Variants in COL23A1 observed in about 807,000 individuals in gnomAD.
COL23A1 encodes the protein collagen alpha-1(XXIII) chain.
COL23A1 carries 97 observed loss-of-function variants against 99.3 expected under a neutral mutation model. That is an observed-to-expected ratio of 0.98 (90% CI 0.83 to 1.16). The LOEUF is 1.16. Among genes scored for constraint, COL23A1 ranks in the 50% most tolerant of loss-of-function variants. The pLI, the probability that COL23A1 is intolerant of heterozygous loss-of-function variation, is 0.00. For synonymous variants in COL23A1, 320 were observed against 308.2 expected, an observed-to-expected ratio of 1.04 and a Z score of -0.40; for missense variants, 762 against 757.4, an observed-to-expected ratio of 1.01 and a Z score of -0.07.
intron 8 of COL23A1, among the ~76,000 whole-genome samples, chr5:178,266,833 T>C (rs1755931733): frequency 6.6e-6 from 1 of 152,214 alleles, no homozygotes; most frequent in South Asian, 2.1e-4. Context: ...CACTACCTTT[T>C]CTTTCCCATA....
At chr5:178,278,572 C>T (rs1345167642) in intron 5 of COL23A1, among the ~76,000 whole-genome samples, 1 of 152,186 alleles carries the variant, frequency 6.6e-6, no homozygotes, top group African/African-American at 2.4e-5. Flanking sequence ...TTCTCACTTG[C>T]CGGCGGCTGC....
chr5:178,465,265 G>A (rs1306095203), intron 2 of COL23A1, among the ~76,000 whole-genome samples: 3 of 152,254 alleles, frequency 2.0e-5, no homozygotes, highest in African/African-American at 7.2e-5. Context: ...CTGGGGGTTC[G>A]GAGATCCTGC....
intron 2 of COL23A1, among the ~76,000 whole-genome samples, chr5:178,498,245 TATATATATATATAA>T (rs1758324756): frequency 1.6e-5 from 1 of 61,290 alleles, no homozygotes. Flanking sequence ...TATATATATA[TATATATATATATAA>T]AAGAACTTAA....
At chr5:178,356,593 G>T (rs1761666356) in intron 2 of COL23A1, among the ~76,000 whole-genome samples, 1 of 151,624 alleles carries the variant, frequency 6.6e-6, no homozygotes, top group Admixed American at 6.6e-5. Flanking sequence ...GGGTGCAAAG[G>T]GTTAAGGGAG....
intron 12 of COL23A1, among the ~76,000 whole-genome samples, chr5:178,259,390 C>A (rs1765505903): frequency 1.3e-5 from 2 of 152,222 alleles, no homozygotes; most frequent in Non-Finnish European, 2.9e-5. Flanking sequence ...GTCTCTGATT[C>A]AGTGGGTCTG....
chr5:178,582,193 C>A (rs538031585), intron 1 of COL23A1, among the ~76,000 whole-genome samples: 1 of 113,724 alleles, frequency 8.8e-6, no homozygotes, highest in Non-Finnish European at 1.6e-5. Flanking sequence ...GGAGACAGGA[C>A]GAGACTCTAT....
intron 2 of COL23A1, among the ~76,000 whole-genome samples, chr5:178,539,565 A>AG (rs1383682374): frequency 2.0e-5 from 3 of 149,254 alleles, no homozygotes; most frequent in Non-Finnish European, 3.0e-5. Context: ...AAAAAAAAAA[A>AG]AAAGAAAAAG....
intron 3 of COL23A1, among the ~76,000 whole-genome samples, chr5:178,299,997 G>A (rs958989659): frequency 1.6e-4 from 25 of 151,738 alleles, no homozygotes; most frequent in African/African-American, 4.1e-4. Context: ...CAGATGATCC[G>A]CCCGCCTTGG....
intron 2 of COL23A1, among the ~76,000 whole-genome samples, chr5:178,522,689 G>A (rs1254161992): frequency 6.6e-6 from 1 of 152,166 alleles, no homozygotes; most frequent in Non-Finnish European, 1.5e-5. Flanking sequence ...CGCGCTGTCT[G>A]TGATCCTCCC....
chr5:178,514,377 G>T (rs996301292), intron 2 of COL23A1, among the ~76,000 whole-genome samples: 5 of 152,196 alleles, frequency 3.3e-5, no homozygotes, highest in African/African-American at 7.2e-5. Flanking sequence ...TGTGAACATG[G>T]GAACCTCTTT....
At chr5:178,294,042 G>A (rs1000959393) in intron 3 of COL23A1, among the ~76,000 whole-genome samples, 11 of 151,988 alleles carry the variant, frequency 7.2e-5, no homozygotes, top group Non-Finnish European at 1.3e-4. Context: ...AATGAGGTGG[G>A]TGCACGTGGG....
intron 2 of COL23A1, among the ~76,000 whole-genome samples, chr5:178,540,443 TAAG>T (rs1247550951): frequency 1.3e-5 from 2 of 152,222 alleles, no homozygotes; most frequent in Admixed American, 1.3e-4. Flanking sequence ...AATTAAATTC[TAAG>T]AATAAATCTA....
At chr5:178,559,933 G>T (rs1762475629) in intron 2 of COL23A1, among the ~76,000 whole-genome samples, 1 of 152,080 alleles carries the variant, frequency 6.6e-6, no homozygotes, top group South Asian at 2.1e-4. Context: ...TGCACGTCGG[G>T]AAGTCTGAGA....
intron 2 of COL23A1, among the ~76,000 whole-genome samples, chr5:178,382,109 G>A (rs1037927834): frequency 3.9e-5 from 6 of 152,090 alleles, no homozygotes; most frequent in Non-Finnish European, 7.3e-5. Flanking sequence ...GGGGGGAATG[G>A]GTGGGGCATT....
rs748111944 is a variant in COL23A1, at chr5:178,347,879, C to CAA, written c.362-40962_362-40961dup. Among the ~76,000 whole-genome samples, 274 of 44,452 alleles carry CAA rather than the reference C, an allele frequency of 6.2e-3. 2 individuals are homozygous for CAA. The highest frequency in any genetic ancestry group is 0.019 in the African/African-American group (233 of 11,998). The allele number at this position is 44,452 out of a possible 152,430, so 29.2% of individuals were successfully genotyped here. On this transcript the variant is annotated intron_variant, in intron 2 of 28. Coordinates refer to ENST00000390654, the MANE Select transcript of COL23A1 (RefSeq NM_173465.4). ...CTGGTGACAGAGCAAGACTCTGTCT[C>CAA]AAAAAAAAAAAAAAAAAACCCAAAA...
intron 2 of COL23A1, among the ~76,000 whole-genome samples, chr5:178,391,062 G>A (rs1227793448): frequency 4.6e-5 from 7 of 152,190 alleles, no homozygotes; most frequent in Admixed American, 6.5e-5. Context: ...GAGCATTACC[G>A]CCTGAGCTCC....
chr5:178,467,388 C>T (rs1053537560), intron 2 of COL23A1, among the ~76,000 whole-genome samples: 5 of 152,252 alleles, frequency 3.3e-5, no homozygotes, highest in African/African-American at 1.2e-4. Flanking sequence ...TGCTCTGGGC[C>T]ACGCTAAGCT....
intron 2 of COL23A1, among the ~76,000 whole-genome samples, chr5:178,480,069 T>C (rs1207012952): frequency 2.0e-5 from 3 of 151,976 alleles, no homozygotes; most frequent in African/African-American, 7.3e-5. Context: ...GGTATTATAA[T>C]TGTAGAGGTC....
intron 2 of COL23A1, among the ~76,000 whole-genome samples, chr5:178,534,358 C>G (rs1262618582): frequency 2.0e-5 from 3 of 152,182 alleles, no homozygotes; most frequent in Admixed American, 6.5e-5. Context: ...GGCCCCGCCT[C>G]CCAACACCCC....
Sources: gnomAD v4.1 joint callset for allele counts (sites outside exome capture counted in the v4.1 genomes callset) on GRCh38, gnomAD v4.1.1 for gene constraint, MANE v1.5 for transcripts, NCBI Gene and HGNC (gene_info 2026-07-23, HGNC 2026-07-21) for gene names.